Variants in NAV3 observed in about 807,000 individuals in gnomAD.
The protein encoded by NAV3 is neuron navigator 3, also known as pore membrane and/or filament interacting like protein 1.
Under a neutral mutation model 244.7 loss-of-function variants are expected in NAV3, and 87 were observed. The ratio of observed to expected loss-of-function variants is 0.36; its 90% CI spans 0.30 to 0.42. The LOEUF is 0.42. NAV3 is among the 20% of genes least tolerant of loss of function. NAV3 has a pLI of 1.00. For missense variants in NAV3, 2,663 were observed against 2,893.3 expected, an observed-to-expected ratio of 0.92 and a Z score of 1.83; for synonymous variants, 1,126 against 1,042.2, an observed-to-expected ratio of 1.08 and a Z score of -1.55.
chr12:78,170,847 A>G lies in NAV3; in HGVS notation c.4981+1981A>G, dbSNP rs192261956. ...CTAAATATGTTTCCTTGACCCCTAC[A>G]TTGAATGACACCCCCTGTGATATGT... On this transcript the variant is annotated intron_variant, in intron 24 of 39. Transcript: ENST00000397909. 6.9e-3 allele frequency among the ~76,000 whole-genome samples: 1,040 copies of G among 151,768 alleles called. 5 individuals carry two copies. The highest frequency in any genetic ancestry group is 0.011 in the Non-Finnish European group (727 of 67,770).
In NAV3 at chr12:78,137,368, A is replaced by G; in HGVS notation, c.4630+3A>G. Reference sequence around the variant, plus strand: ...ATTCAGAGACAGCATGGAAGAAGGTAAGCGTTGAGGGGGATTAAAGATGAA... The same window carrying G: ...ATTCAGAGACAGCATGGAAGAAGGTGAGCGTTGAGGGGGATTAAAGATGAA... On this transcript the variant is annotated splice_donor_region_variant and intron_variant, in intron 19 of 39. Transcript: ENST00000397909. The G allele has an allele frequency of 6.2e-7, 1 of 1,607,804 alleles. No homozygotes were observed. Among genetic ancestry groups the G allele is most frequent in the Non-Finnish European group, 8.5e-7 (1 of 1,178,162 alleles).
chr12:77,659,695 G>A (rs1038717508), intron 2 of NAV3, among the ~76,000 whole-genome samples: 2 of 152,084 alleles, frequency 1.3e-5, no homozygotes, highest in Non-Finnish European at 2.9e-5. Flanking sequence ...CAATAGCAAA[G>A]ACTTGGAACC....
At position 78,175,219 on chromosome 12, in the gene NAV3, G is replaced by A. The variant is rs575738676; in HGVS notation, c.4982-87G>A. ...CAAAGCCTTGTTGACCTTTATTAGA[G>A]AACTGCCTCTCAAAAGACCTAAAAG... On this transcript the variant is annotated intron_variant, in intron 24 of 39. Transcript: ENST00000397909. 2.3e-4 allele frequency: 330 copies of A among 1,446,370 alleles called. 3 individuals carry two copies. The South Asian group carries it at 3.5e-3, about 15-fold the overall frequency. 89.6% of individuals were successfully genotyped at this position (1,446,370 alleles called of 1,614,324 possible).
chr12:77,738,271 TG>T (rs1240614278), intron 2 of NAV3, among the ~76,000 whole-genome samples: 1 of 152,184 alleles, frequency 6.6e-6, no homozygotes, highest in Non-Finnish European at 1.5e-5. Flanking sequence ...AATCAGTTAG[TG>T]GAGTGAAAAT....
chr12:77,905,180 G>A (rs1885833624), intron 1 of NAV3, among the ~76,000 whole-genome samples: 1 of 151,852 alleles, frequency 6.6e-6, no homozygotes, highest in South Asian at 2.1e-4. Context: ...CCAAAATCTT[G>A]GATTTTGAGA....
intron 2 of NAV3, among the ~76,000 whole-genome samples, chr12:77,744,263 A>ACATTG (rs922166113): frequency 6.6e-6 from 1 of 152,012 alleles, no homozygotes; most frequent in African/African-American, 2.4e-5. Flanking sequence ...AAGTAGACCC[A>ACATTG]CACAGATATG....
chr12:78,182,558 TA>T (rs892426538), intron 30 of NAV3, among the ~76,000 whole-genome samples: 23 of 151,496 alleles, frequency 1.5e-4, no homozygotes, highest in Middle Eastern at 3.2e-3. Context: ...CAGACACATA[TA>T]AAAAAAACTT....
intron 2 of NAV3, among the ~76,000 whole-genome samples, chr12:77,779,801 G>A (rs1195767956): frequency 6.6e-6 from 1 of 152,154 alleles, no homozygotes; most frequent in African/African-American, 2.4e-5. Context: ...GGAGAAGCAG[G>A]AGAGGCCTGG....
At position 78,113,637 on chromosome 12, in the gene NAV3, T is replaced by C. The variant is rs567639375; in HGVS notation, c.2637-3135T>C. Among the ~76,000 whole-genome samples the C allele has an allele frequency of 1.4e-4, 21 of 152,272 alleles. No homozygotes were observed. In the South Asian group the frequency reaches 4.4e-3, roughly 32 times the overall value. On this transcript the variant is annotated intron_variant, in intron 12 of 39. Coordinates refer to ENST00000397909, the MANE Select transcript of NAV3 (RefSeq NM_001024383.2). The stretch of plus-strand genomic sequence containing the variant: ...TATGGTGCATACAGCAGGGGGGCCC[T>C]GGACCCAGCCCACAAAACCAATTTT...
At chr12:77,899,395 C>A (rs1188022071) in intron 1 of NAV3, among the ~76,000 whole-genome samples, 2 of 152,194 alleles carry the variant, frequency 1.3e-5, no homozygotes, top group Non-Finnish European at 2.9e-5. Context: ...ACCCCAATTT[C>A]ATCAACCACC....
chr12:78,031,073 G>A (rs1878898921), intron 9 of NAV3, among the ~76,000 whole-genome samples: 1 of 152,150 alleles, frequency 6.6e-6, no homozygotes, highest in African/African-American at 2.4e-5. Flanking sequence ...AAGTGAAGTG[G>A]CCTTCATGAT....
intron 2 of NAV3, among the ~76,000 whole-genome samples, chr12:77,734,550 T>C (rs1286616895): frequency 6.6e-6 from 1 of 152,168 alleles, no homozygotes; most frequent in Non-Finnish European, 1.5e-5. Flanking sequence ...TTTGAGGTTT[T>C]AAAGATGCGT....
intron 23 of NAV3, among the ~76,000 whole-genome samples, chr12:78,160,447 A>G (rs573703746): frequency 4.7e-5 from 7 of 148,220 alleles, no homozygotes; most frequent in African/African-American, 1.7e-4. Context: ...AATGTGCATA[A>G]ATGATCAGGT....
At chr12:78,144,250 C>T (rs1462184244) in intron 20 of NAV3, among the ~76,000 whole-genome samples, 1 of 152,058 alleles carries the variant, frequency 6.6e-6, no homozygotes, top group Non-Finnish European at 1.5e-5. Context: ...CTAATACTAA[C>T]GTCATAACTT....
rs776146987 is a variant in NAV3, at chr12:78,198,694, G to GT, written c.6518+25dup. 4 of 956,976 alleles carry GT rather than the reference G, an allele frequency of 4.2e-6. No homozygotes were observed. The highest frequency in any genetic ancestry group is 1.7e-5 in the South Asian group (1 of 59,918). 59.3% of individuals were successfully genotyped at this position (956,976 alleles called of 1,614,324 possible). ...AATTTCAGGTAAAGTTAAGTTGAAG[G>GT]TTTTTTTGTTTTGTTTTTTTGTTTT... is the stretch of plus-strand genomic sequence containing the variant. On this transcript the variant is annotated intron_variant, in intron 36 of 39. Coordinates refer to ENST00000397909, the MANE Select transcript of NAV3 (RefSeq NM_001024383.2).
chr12:78,082,309 G>A (rs1049482941), intron 12 of NAV3, among the ~76,000 whole-genome samples: 6 of 152,086 alleles, frequency 3.9e-5, no homozygotes, highest in African/African-American at 7.2e-5. Flanking sequence ...TTAAGGGCAC[G>A]TATTAATACA....
chr12:77,854,857 C>T (rs1389743678), intron 1 of NAV3, among the ~76,000 whole-genome samples: 1 of 152,146 alleles, frequency 6.6e-6, no homozygotes, highest in East Asian at 1.9e-4. Flanking sequence ...GTGGCTCACG[C>T]CTGTAATCCC....
At chr12:77,774,322 G>A (rs1870242917) in intron 2 of NAV3, among the ~76,000 whole-genome samples, 1 of 152,084 alleles carries the variant, frequency 6.6e-6, no homozygotes, top group Non-Finnish European at 1.5e-5. Context: ...GAAGCAGTAG[G>A]ATGGACTATT....
At chr12:77,684,889 C>A (rs1441407638) in intron 2 of NAV3, among the ~76,000 whole-genome samples, 2 of 152,004 alleles carry the variant, frequency 1.3e-5, no homozygotes, top group African/African-American at 2.4e-5. Flanking sequence ...TATATTTAAC[C>A]CAGCAAAATA....
Sources: gnomAD v4.1 joint callset for allele counts (sites outside exome capture counted in the v4.1 genomes callset) on GRCh38, gnomAD v4.1.1 for gene constraint, MANE v1.5 for transcripts, NCBI Gene and HGNC (gene_info 2026-07-23, HGNC 2026-07-21) for gene names.